Variants in RNLS observed in about 807,000 individuals in gnomAD.
RNLS encodes renalase.
A neutral mutation model predicts 39.8 loss-of-function variants in RNLS; 39 were observed. That is an observed-to-expected ratio of 0.98 (90% CI 0.76 to 1.28). The LOEUF (loss-of-function observed/expected upper bound fraction) is 1.28, where lower values mean the gene tolerates loss of function less well. Ranked by LOEUF, RNLS falls within the 50% of genes most tolerant of loss-of-function variation. The probability of loss-of-function intolerance (pLI) is 0.00; values close to 1 mark genes in which losing one functional copy is unlikely to be tolerated. For missense variants in RNLS, 410 were observed against 413.3 expected (o/e 0.99, Z 0.07); for synonymous variants, 147 against 150.7 (o/e 0.98, Z 0.18).
rs72820046 is a variant in RNLS, at chr10:88,462,095, C to T, written c.527-99370G>A. Among the ~76,000 whole-genome samples, 574 of 152,072 alleles carry T rather than the reference C, an allele frequency of 3.8e-3. 1 individual carries two copies. Among genetic ancestry groups the T allele is most frequent in the Non-Finnish European group, 6.8e-3 (464 of 67,918 alleles). ...CTTCTATTACTCTTGAGAATACATGCTTCGTGAATACTAATTTGGGTTAAT... is the reference window on the plus strand; with the variant it reads ...CTTCTATTACTCTTGAGAATACATGTTTCGTGAATACTAATTTGGGTTAAT... On this transcript the variant is annotated intron_variant, in intron 4 of 6. Transcript: ENST00000331772.
chr10:88,172,842 GTTTTTTTTT>G, the RNLS span, among the ~76,000 whole-genome samples: 100 of 43,756 alleles, frequency 2.3e-3, no homozygotes, highest in South Asian at 5.3e-3. Context: ...ATTTTGAGTT[GTTTTTTTTT>G]TTTTTTTTTT....
intron 4 of RNLS, among the ~76,000 whole-genome samples, chr10:88,410,429 A>C (rs1853583323): frequency 6.6e-6 from 1 of 152,130 alleles, no homozygotes; most frequent in South Asian, 2.1e-4. Flanking sequence ...AAATTTATAA[A>C]TTATCAGTAT....
intron 4 of RNLS, among the ~76,000 whole-genome samples, chr10:88,370,782 A>G (rs1293678777): frequency 6.6e-6 from 1 of 152,190 alleles, no homozygotes; most frequent in East Asian, 1.9e-4. Flanking sequence ...TTCTCCTAGC[A>G]GACCAGGAGA....
chr10:88,574,897 C>T (rs1850071171), intron 3 of RNLS, among the ~76,000 whole-genome samples: 1 of 151,828 alleles, frequency 6.6e-6, no homozygotes, highest in South Asian at 2.1e-4. Context: ...TTTAGGATGC[C>T]TCACCCTACT....
intron 4 of RNLS, among the ~76,000 whole-genome samples, chr10:88,551,136 C>T (rs1848584079): frequency 6.6e-6 from 1 of 152,188 alleles, no homozygotes; most frequent in Non-Finnish European, 1.5e-5. Context: ...GCCGTCTCTT[C>T]TTCGTGCCTG....
intron 4 of RNLS, among the ~76,000 whole-genome samples, chr10:88,487,984 CT>C (rs1239790688): frequency 3.3e-5 from 5 of 152,118 alleles, no homozygotes; most frequent in African/African-American, 1.2e-4. Flanking sequence ...GGCACATAAT[CT>C]GTAATTCCAT....
intron 4 of RNLS, among the ~76,000 whole-genome samples, chr10:88,547,557 G>A (rs1177668310): frequency 6.6e-6 from 1 of 152,102 alleles, no homozygotes; most frequent in Admixed American, 6.5e-5. Context: ...TTATGGGTAG[G>A]ATATAAATCT....
intron 4 of RNLS, among the ~76,000 whole-genome samples, chr10:88,446,813 C>T (rs1186951478): frequency 6.6e-6 from 1 of 152,216 alleles, no homozygotes; most frequent in Non-Finnish European, 1.5e-5. Flanking sequence ...AGCTTACCCA[C>T]CATGATCAAG....
At chr10:88,236,127 C>T in the RNLS span, among the ~76,000 whole-genome samples, 34 of 152,312 alleles carry the variant, frequency 2.2e-4, no homozygotes, top group African/African-American at 7.2e-4. Context: ...CTAAAATATT[C>T]TGAAGAAACC....
At chr10:88,515,783 G>A (rs1467908259) in intron 4 of RNLS, among the ~76,000 whole-genome samples, 2 of 152,064 alleles carry the variant, frequency 1.3e-5, no homozygotes, top group African/African-American at 4.8e-5. Context: ...GATGGAGAGA[G>A]AGTGGGAGTG....
Position 88,417,386 on chromosome 10 carries a change from T to C in RNLS, c.527-54661A>G, listed in dbSNP as rs185603715. On this transcript the variant is annotated intron_variant, in intron 4 of 6. Coordinates refer to ENST00000331772, the MANE Select transcript of RNLS (RefSeq NM_001031709.3). ...AAAATGCCATATTTATGTTGGAATT[T>C]GGATTTAAAAGCCTTTGATTAATAA... 1.2e-4 allele frequency among the ~76,000 whole-genome samples: 18 copies of C among 152,336 alleles called. 1 individual carries two copies. The highest frequency in any genetic ancestry group is 2.6e-4 in the Admixed American group (4 of 15,296).
At chr10:88,550,096 A>T (rs1315809443) in intron 4 of RNLS, among the ~76,000 whole-genome samples, 1 of 152,264 alleles carries the variant, frequency 6.6e-6, no homozygotes, top group South Asian at 2.1e-4. Flanking sequence ...CCAGGAGAAA[A>T]GTCCTATCCA....
At chr10:88,191,661 G>A in the RNLS span, among the ~76,000 whole-genome samples, 5 of 152,210 alleles carry the variant, frequency 3.3e-5, no homozygotes, top group African/African-American at 1.2e-4. Context: ...ATTGTCAAGA[G>A]AGAATATGTT....
chr10:88,419,719 C>T (rs557163145), intron 4 of RNLS, among the ~76,000 whole-genome samples: 14 of 152,192 alleles, frequency 9.2e-5, no homozygotes, highest in African/African-American at 3.1e-4. Flanking sequence ...ATAAAAAAGG[C>T]ACTGGCTGGG....
At chr10:88,498,773 T>A (rs778530733) in intron 4 of RNLS, among the ~76,000 whole-genome samples, 3 of 151,968 alleles carry the variant, frequency 2.0e-5, no homozygotes, top group Non-Finnish European at 2.9e-5. Flanking sequence ...TGTGTGTATA[T>A]ACGTAGAGAG....
chr10:88,254,792 G>C, the RNLS span, among the ~76,000 whole-genome samples: 1 of 152,182 alleles, frequency 6.6e-6, no homozygotes, highest in African/African-American at 2.4e-5. Flanking sequence ...ATGAATTGTG[G>C]ACTGGGATTT....
At chr10:88,566,211 T>A (rs180873652) in intron 4 of RNLS, among the ~76,000 whole-genome samples, 419 of 152,050 alleles carry the variant, frequency 2.8e-3, no homozygotes, top group Non-Finnish European at 4.6e-3. Flanking sequence ...CATACTTTAA[T>A]CTTCTTTCCA....
the RNLS span, among the ~76,000 whole-genome samples, chr10:88,184,087 T>C: frequency 6.6e-6 from 1 of 152,172 alleles, no homozygotes; most frequent in East Asian, 1.9e-4. Flanking sequence ...CTGGACTTTG[T>C]AGTGACATGA....
At chr10:88,478,902 T>C (rs1843982607) in intron 4 of RNLS, among the ~76,000 whole-genome samples, 1 of 151,388 alleles carries the variant, frequency 6.6e-6, no homozygotes, top group Non-Finnish European at 1.5e-5. Context: ...TCTCTTTCTT[T>C]CTTTCTCTCT....
Sources: allele counts gnomAD v4.1 joint callset (sites outside exome capture counted in the v4.1 genomes callset), GRCh38; gene constraint gnomAD v4.1.1; transcripts MANE v1.5; gene names NCBI Gene and HGNC (gene_info 2026-07-23, HGNC 2026-07-21).